CLVS1: variants seen among roughly 807,000 people sequenced by gnomAD.
CLVS1 encodes the protein clavesin-1.
CLVS1 carries 10 observed loss-of-function variants against 33.1 expected under a neutral mutation model. The ratio of observed to expected loss-of-function variants is 0.30; its 90% CI spans 0.19 to 0.51. CLVS1 has a LOEUF of 0.51. Ranked by LOEUF, CLVS1 falls within the 20% of genes least tolerant of loss-of-function variation. The pLI is 0.97. For missense variants in CLVS1, 343 were observed against 433.4 expected (o/e 0.79, Z 1.85); for synonymous variants, 163 against 166.1 (o/e 0.98, Z 0.14).
At chr8:61,271,816 T>C (rs1396025218) in intron 2 of CLVS1, among the ~76,000 whole-genome samples, 1 of 150,188 alleles carries the variant, frequency 6.7e-6, no homozygotes, top group Non-Finnish European at 1.5e-5. Context: ...AAGTCTGTTT[T>C]ATCAGAGACT....
intron 3 of CLVS1, among the ~76,000 whole-genome samples, chr8:61,411,623 G>A (rs1815228734): frequency 6.6e-6 from 1 of 152,194 alleles, no homozygotes; most frequent in Non-Finnish European, 1.5e-5. Flanking sequence ...CATTTTCTCT[G>A]TGGGTACTTC....
intron 2 of CLVS1, among the ~76,000 whole-genome samples, chr8:61,255,478 T>G (rs1161988905): frequency 6.6e-6 from 1 of 152,220 alleles, no homozygotes; most frequent in Non-Finnish European, 1.5e-5. Flanking sequence ...AGTCGAATTC[T>G]TGTCTGTATG....
chr8:61,283,822 G>A (rs1371817302), upstream of CLVS1, among the ~76,000 whole-genome samples: 2 of 152,172 alleles, frequency 1.3e-5, no homozygotes, highest in African/African-American at 4.8e-5. Flanking sequence ...AAATTGTGTA[G>A]TGTTGACCTG....
At chr8:61,426,141 G>A (rs1246285972) in intron 3 of CLVS1, among the ~76,000 whole-genome samples, 2 of 152,174 alleles carry the variant, frequency 1.3e-5, no homozygotes, top group Non-Finnish European at 2.9e-5. Flanking sequence ...ATCCCTTTCA[G>A]GGGAAACTGA....
intron 2 of CLVS1, among the ~76,000 whole-genome samples, chr8:61,133,486 G>A (rs780470158): frequency 6.6e-6 from 1 of 152,186 alleles, no homozygotes; most frequent in Non-Finnish European, 1.5e-5. Flanking sequence ...GTTTATGGAG[G>A]TGAGCTGGGA....
chr8:61,039,227 ATTAC>A, the CLVS1 span, among the ~76,000 whole-genome samples: 9 of 152,232 alleles, frequency 5.9e-5, no homozygotes, highest in African/African-American at 1.9e-4. Flanking sequence ...AACAACATTT[ATTAC>A]TTACTCCAAG....
At chr8:61,300,440 A>G in intron 2 of CLVS1, 158 bp downstream of exon 2, 1 of 613,212 alleles carries the variant, frequency 1.6e-6, no homozygotes, top group South Asian at 2.2e-5. Flanking sequence ...TGTCTTCAAA[A>G]GGCAATTCCA....
chr8:61,182,078 G>A (rs528064809), intron 2 of CLVS1, among the ~76,000 whole-genome samples: 32 of 152,070 alleles, frequency 2.1e-4, no homozygotes, highest in Non-Finnish European at 4.1e-4. Context: ...TAATGCTGGG[G>A]GAAATGATTC....
At chr8:61,198,198 G>A (rs1489962099) in intron 2 of CLVS1, among the ~76,000 whole-genome samples, 2 of 152,094 alleles carry the variant, frequency 1.3e-5, no homozygotes, top group South Asian at 2.1e-4. Flanking sequence ...TATATTAATG[G>A]AAATCTAATA....
intron 3 of CLVS1, among the ~76,000 whole-genome samples, chr8:61,428,975 G>A (rs1389770741): frequency 6.6e-6 from 1 of 152,192 alleles, no homozygotes; most frequent in Non-Finnish European, 1.5e-5. Context: ...TAGTTTGTTT[G>A]TGTTGTCATA....
At chr8:61,477,174 T>A (rs1363757377) in intron 5 of CLVS1, among the ~76,000 whole-genome samples, 1 of 152,226 alleles carries the variant, frequency 6.6e-6, no homozygotes, top group Non-Finnish European at 1.5e-5. Flanking sequence ...ATAAGCTTTT[T>A]GATGTGCTGC....
chr8:61,446,879 GT>G (rs1816776544), intron 3 of CLVS1, among the ~76,000 whole-genome samples: 1 of 150,128 alleles, frequency 6.7e-6, no homozygotes, highest in Non-Finnish European at 1.5e-5. Flanking sequence ...GTGTTGTGTA[GT>G]TTCCAAGTGA....
chr8:61,470,887 C>T (rs963025682), intron 5 of CLVS1, among the ~76,000 whole-genome samples: 1 of 152,162 alleles, frequency 6.6e-6, no homozygotes, highest in Non-Finnish European at 1.5e-5. Flanking sequence ...TGCGGAGCTT[C>T]GAGCATTTCA....
the CLVS1 span, among the ~76,000 whole-genome samples, chr8:60,968,388 C>T: frequency 9.8e-4 from 149 of 151,876 alleles, 1 homozygote; most frequent in Non-Finnish European, 2.7e-4. Context: ...TGGTGGTGTG[C>T]GCCTGTAGTC....
intron 2 of CLVS1, among the ~76,000 whole-genome samples, chr8:61,273,258 T>G (rs1585739672): frequency 5.9e-5 from 9 of 152,160 alleles, no homozygotes; most frequent in Admixed American, 4.6e-4. Context: ...CCGTGTGAGG[T>G]GTCAGTCTGC....
chr8:61,285,152 A>G (rs1264072440), upstream of CLVS1, among the ~76,000 whole-genome samples: 2 of 152,186 alleles, frequency 1.3e-5, no homozygotes, highest in South Asian at 2.1e-4. Context: ...CATCTATGGG[A>G]AGAAAGTAGG....
intron 2 of CLVS1, among the ~76,000 whole-genome samples, chr8:61,139,656 G>A (rs1057508454): frequency 6.6e-6 from 1 of 152,096 alleles, no homozygotes; most frequent in African/African-American, 2.4e-5. Flanking sequence ...CCCGGCCTCA[G>A]GGGGAGGCAC....
chr8:61,288,316 C>T, intron 1 of CLVS1, 178 bp downstream of exon 1: 1 of 454,038 alleles, frequency 2.2e-6, no homozygotes, highest in Non-Finnish European at 4.4e-6. Flanking sequence ...CCTCCGCGGT[C>T]CATCCTCCTC....
chr8:61,235,487 A>G (rs1195633740), intron 2 of CLVS1, among the ~76,000 whole-genome samples: 1 of 152,232 alleles, frequency 6.6e-6, no homozygotes, highest in African/African-American at 2.4e-5. Flanking sequence ...CATTTTGTAG[A>G]ATAGTTTTTT....
Sources: gnomAD v4.1 joint callset for allele counts (sites outside exome capture counted in the v4.1 genomes callset) on GRCh38, gnomAD v4.1.1 for gene constraint, MANE v1.5 for transcripts, NCBI Gene and HGNC (gene_info 2026-07-23, HGNC 2026-07-21) for gene names.